Variants in CDA observed in about 807,000 individuals in gnomAD.
The protein encoded by CDA is cytidine deaminase.
CDA carries 7 observed loss-of-function variants against 15.0 expected under a neutral mutation model. The ratio of observed to expected loss-of-function variants is 0.47; its 90% CI spans 0.26 to 0.87. CDA has a LOEUF of 0.87. Among genes scored for constraint, CDA ranks in the 40% least tolerant of loss-of-function variants. The pLI is 0.15. For missense variants in CDA, 159 were observed against 182.7 expected (o/e 0.87, Z 0.75); for synonymous variants, 58 against 73.0 (o/e 0.79, Z 1.05).
intron 1 of CDA, among the ~76,000 whole-genome samples, chr1:20,599,427 A>C (rs2052618961): frequency 6.6e-6 from 1 of 151,364 alleles, no homozygotes; most frequent in South Asian, 2.1e-4. Context: ...GACCAGCCTG[A>C]CCAATATGGT....
In CDA at chr1:20,618,709, C is replaced by G; in HGVS notation, c.*141C>G. On this transcript the variant is annotated 3_prime_UTR_variant, in exon 4 of 4. Coordinates refer to ENST00000375071, the MANE Select transcript of CDA (RefSeq NM_001785.3). ...TGATGTTTCCAGATTACACTCCAGC[C>G]TGAGTCAGCACCCCTCCTAGCAACC... is the stretch of plus-strand genomic sequence containing the variant. 1.4e-6 allele frequency: 1 copy of G among 693,846 alleles called. No individual in the cohort carries two copies. The highest frequency in any genetic ancestry group is 2.6e-6 in the Non-Finnish European group (1 of 379,756). The allele number at this position is 693,846 out of a possible 1,614,324, so 43.0% of individuals were successfully genotyped here. A position where few individuals can be genotyped will look rare whatever the true frequency, so the allele number is the denominator to read the frequency against.
chr1:20,606,895 G>A (rs189000162), intron 2 of CDA, among the ~76,000 whole-genome samples: 45 of 152,308 alleles, frequency 3.0e-4, no homozygotes, highest in Non-Finnish European at 4.7e-4. Context: ...ACTTAATGGT[G>A]AATTGCTCCT....
intron 2 of CDA, among the ~76,000 whole-genome samples, chr1:20,606,549 T>C (rs1251011463): frequency 1.3e-5 from 2 of 152,084 alleles, no homozygotes; most frequent in African/African-American, 4.8e-5. Context: ...CACTTTTCCC[T>C]GTTCTCCACA....
chr1:20,615,419 GT>G (rs2052792287), intron 3 of CDA, among the ~76,000 whole-genome samples: 1 of 139,982 alleles, frequency 7.1e-6, no homozygotes, highest in African/African-American at 2.7e-5. Context: ...GATCGCTTGG[GT>G]CCAGGAGTTC....
chr1:20,605,281 A>G lies in CDA; in HGVS notation c.266+242A>G, dbSNP rs10916825. On this transcript the variant is annotated intron_variant, in intron 2 of 3. Transcript: ENST00000375071. Reference sequence around the variant, plus strand: ...GCAAGGCAACTCTCATACAAGGGCCAGTATGCCCCTGTTCCAGCAACACAA... The same window carrying G: ...GCAAGGCAACTCTCATACAAGGGCCGGTATGCCCCTGTTCCAGCAACACAA... Among the ~76,000 whole-genome samples the G allele has an allele frequency of 0.35, 53,286 of 151,610 alleles. 9,819 individuals carry two copies. Among genetic ancestry groups the G allele is most frequent in the South Asian group, 0.47 (2,247 of 4,792 alleles).
chr1:20,616,839 A>C (rs77900437), intron 3 of CDA, among the ~76,000 whole-genome samples: 3,691 of 152,230 alleles, frequency 0.024, 161 homozygotes, highest in African/African-American at 0.082. Flanking sequence ...CCTTCCTTAA[A>C]ACATTAATTC....
intron 1 of CDA, among the ~76,000 whole-genome samples, chr1:20,604,680 G>C (rs2052676982): frequency 6.6e-6 from 1 of 152,162 alleles, no homozygotes; most frequent in Admixed American, 6.5e-5. Context: ...CTGCTCCCAG[G>C]CTGTGCTTCA....
intron 1 of CDA, among the ~76,000 whole-genome samples, chr1:20,589,822 C>T (rs1014348903): frequency 7.2e-5 from 11 of 152,142 alleles, no homozygotes; most frequent in Admixed American, 5.2e-4. Flanking sequence ...GTGCTCAGTG[C>T]TGGCCAGGGT....
chr1:20,599,064 T>A (rs2052615836), intron 1 of CDA, among the ~76,000 whole-genome samples: 1 of 152,126 alleles, frequency 6.6e-6, no homozygotes, highest in East Asian at 1.9e-4. Flanking sequence ...CCATTTTAGA[T>A]AGGTGATCGG....
intron 2 of CDA, among the ~76,000 whole-genome samples, chr1:20,608,843 C>T (rs1412081443): frequency 6.6e-6 from 1 of 152,182 alleles, no homozygotes; most frequent in Non-Finnish European, 1.5e-5. Flanking sequence ...TTGGGCAAGT[C>T]GTTTCACCTT....
Position 20,618,571 on chromosome 1 carries a change from G to T in CDA, c.*3G>T. 1 of 1,533,006 alleles carries T rather than the reference G, an allele frequency of 6.5e-7. No homozygotes were observed. Among genetic ancestry groups the T allele is most frequent in the Non-Finnish European group, 9.0e-7 (1 of 1,106,066 alleles). The allele number at this position is 1,533,006 out of a possible 1,614,324, so 95.0% of individuals were successfully genotyped here. ...AGGACCTGCAGAAGACCCAGTGACA[G>T]CCAGAGAATGCCCACTGCCTGTAAC... On this transcript the variant is annotated 3_prime_UTR_variant, in exon 4 of 4. Transcript: ENST00000375071.
intron 2 of CDA, among the ~76,000 whole-genome samples, chr1:20,606,349 G>A (rs1172863848): frequency 1.3e-5 from 2 of 151,812 alleles, no homozygotes; most frequent in Non-Finnish European, 2.9e-5. Flanking sequence ...ACAAAAAAGC[G>A]GGAGGGACCT....
rs2154532354 is a variant in CDA at position 20,604,913 on chromosome 1, C to G, written c.155-15C>G. On this transcript the variant is annotated splice_polypyrimidine_tract_variant and intron_variant, in intron 1 of 3. Transcript: ENST00000375071. ...TCTCTGCCAGACATACCACTGGACT[C>G]TGCTCTCTTCTCAGGGTGCAACATA... The G allele has an allele frequency of 1.9e-6, 3 of 1,553,292 alleles. No homozygotes were observed. Among genetic ancestry groups the G allele is most frequent in the Non-Finnish European group, 2.7e-6 (3 of 1,127,606 alleles).
At chr1:20,606,546 C>T (rs976782523) in intron 2 of CDA, among the ~76,000 whole-genome samples, 9 of 152,036 alleles carry the variant, frequency 5.9e-5, no homozygotes, top group African/African-American at 2.2e-4. Context: ...GAACACTTTT[C>T]CCTGTTCTCC....
At chr1:20,612,962 A>AAG (rs2052767285) in intron 2 of CDA, among the ~76,000 whole-genome samples, 1 of 136,148 alleles carries the variant, frequency 7.3e-6, no homozygotes, top group Non-Finnish European at 1.6e-5. Context: ...AAAAAAAAAA[A>AAG]GCCTGTTGGT....
rs1484223377 is a variant in CDA, at chr1:20,613,875, G to A, written c.300G>A (p.Gly100=). The change falls in exon 3 of 4, where the codon GGG becomes GGA. Residue 100 remains glycine (G), a synonymous_variant. Coordinates refer to ENST00000375071, the MANE Select transcript of CDA (RefSeq NM_001785.3). The part of the protein sequence containing the change: ...DMQDDFISPC[G]ACRQVMREFG... ...AAGATGATTTTATCTCTCCATGTGG[G>A]GCCTGCAGGCAAGTCATGAGAGAGG... The A allele has an allele frequency of 1.2e-6, 2 of 1,613,866 alleles. No individual in the cohort carries two copies. Among genetic ancestry groups the A allele is most frequent in the African/African-American group, 1.3e-5 (1 of 74,914 alleles).
chr1:20,610,609 T>A (rs1246703764), intron 2 of CDA, among the ~76,000 whole-genome samples: 2 of 152,156 alleles, frequency 1.3e-5, no homozygotes, highest in Non-Finnish European at 2.9e-5. Context: ...TAACAATTGT[T>A]GTTAAGATAT....
At chr1:20,616,010 A>G (rs2052798052) in intron 3 of CDA, among the ~76,000 whole-genome samples, 1 of 152,164 alleles carries the variant, frequency 6.6e-6, no homozygotes, top group Non-Finnish European at 1.5e-5. Context: ...AAAAATAAAT[A>G]CATACCTACA....
intron 2 of CDA, among the ~76,000 whole-genome samples, chr1:20,609,547 T>C (rs1432468106): frequency 6.6e-6 from 1 of 152,056 alleles, no homozygotes; most frequent in Non-Finnish European, 1.5e-5. Context: ...ACACAGGGCC[T>C]TACAGGCCAT....
Sources: gnomAD v4.1 joint callset for allele counts (sites outside exome capture counted in the v4.1 genomes callset) on GRCh38, gnomAD v4.1.1 for gene constraint, MANE v1.5 for transcripts, NCBI Gene and HGNC (gene_info 2026-07-23, HGNC 2026-07-21) for gene names.